Variants in MIPOL1 observed in about 807,000 individuals in gnomAD.
MIPOL1 encodes mirror-image polydactyly gene 1 protein.
MIPOL1 carries 57 observed loss-of-function variants against 60.9 expected under a neutral mutation model. That is an observed-to-expected ratio of 0.94 (90% CI 0.76 to 1.17). MIPOL1 has a LOEUF of 1.17. Ranked by LOEUF, MIPOL1 falls within the 50% of genes most tolerant of loss-of-function variation. The pLI, the probability that MIPOL1 is intolerant of heterozygous loss-of-function variation, is 0.00. For missense variants in MIPOL1, 551 were observed against 511.6 expected (o/e 1.08, Z -0.74); for synonymous variants, 179 against 168.8 (o/e 1.06, Z -0.47).
At chr14:37,259,424 A>C (rs181587974) in intron 3 of MIPOL1, among the ~76,000 whole-genome samples, 7 of 152,072 alleles carry the variant, frequency 4.6e-5, no homozygotes, top group African/African-American at 1.4e-4. Context: ...CAAATTAGCC[A>C]GGTGTGGTGG....
At chr14:37,314,052 G>C (rs1403752666) in intron 9 of MIPOL1, among the ~76,000 whole-genome samples, 1 of 151,986 alleles carries the variant, frequency 6.6e-6, no homozygotes, top group Non-Finnish European at 1.5e-5. Context: ...CTATTTTCTA[G>C]AAATGAGTCA....
chr14:37,203,970 G>A (rs922189008), intron 1 of MIPOL1, among the ~76,000 whole-genome samples: 1 of 151,932 alleles, frequency 6.6e-6, no homozygotes, highest in African/African-American at 2.4e-5. Flanking sequence ...TTTTAGTAGC[G>A]ACAGGGTTTC....
At chr14:37,249,569 T>C (rs1973754871) in intron 3 of MIPOL1, among the ~76,000 whole-genome samples, 1 of 152,194 alleles carries the variant, frequency 6.6e-6, no homozygotes, top group Non-Finnish European at 1.5e-5. Context: ...AGATAGCTGA[T>C]GTAATTCTAT....
chr14:37,424,847 G>T (rs2093934316), intron 11 of MIPOL1, among the ~76,000 whole-genome samples: 1 of 152,196 alleles, frequency 6.6e-6, no homozygotes, highest in South Asian at 2.1e-4. Flanking sequence ...AACTGTAGCT[G>T]CCATTAGAAT....
At chr14:37,517,116 G>C (rs139188500) in intron 12 of MIPOL1, among the ~76,000 whole-genome samples, 1 of 152,108 alleles carries the variant, frequency 6.6e-6, no homozygotes, top group Non-Finnish European at 1.5e-5. Context: ...GGTATGTACA[G>C]ATCATTAAAT....
chr14:37,318,682 T>A (rs550341311), intron 9 of MIPOL1, among the ~76,000 whole-genome samples: 1 of 152,300 alleles, frequency 6.6e-6, no homozygotes, highest in South Asian at 2.1e-4. Context: ...TAGAAAGTTA[T>A]ATGTAGATTG....
chr14:37,482,966 A>G (rs893978900), intron 11 of MIPOL1, among the ~76,000 whole-genome samples: 2 of 152,186 alleles, frequency 1.3e-5, no homozygotes, highest in Admixed American at 1.3e-4. Flanking sequence ...GTGTTTGCAC[A>G]TAACCTATGC....
chr14:37,541,981 G>A (rs1052287861), intron 12 of MIPOL1, among the ~76,000 whole-genome samples: 3 of 152,012 alleles, frequency 2.0e-5, no homozygotes, highest in African/African-American at 4.8e-5. Flanking sequence ...TCAGCCATAC[G>A]TCCCCTTGTA....
chr14:37,256,136 T>C (rs1193365419), intron 3 of MIPOL1, among the ~76,000 whole-genome samples: 1 of 151,872 alleles, frequency 6.6e-6, no homozygotes, highest in Non-Finnish European at 1.5e-5. Flanking sequence ...AGAAATATAA[T>C]CACATTCAAG....
At chr14:37,444,545 A>T (rs2094302309) in intron 11 of MIPOL1, among the ~76,000 whole-genome samples, 1 of 152,228 alleles carries the variant, frequency 6.6e-6, no homozygotes, top group South Asian at 2.1e-4. Context: ...TTATATAAAA[A>T]TGCAAATGAT....
chr14:37,459,232 T>C (rs1366183291), intron 11 of MIPOL1, among the ~76,000 whole-genome samples: 3 of 151,998 alleles, frequency 2.0e-5, no homozygotes, highest in Non-Finnish European at 4.4e-5. Context: ...AATGAAGAGT[T>C]GGTTATTTGA....
chr14:37,359,810 T>C (rs999842148), intron 9 of MIPOL1, among the ~76,000 whole-genome samples: 3 of 152,238 alleles, frequency 2.0e-5, no homozygotes, highest in Admixed American at 1.3e-4. Context: ...ATATCTTTTA[T>C]TTCTTTCTCT....
At chr14:37,545,537 GA>G in intron 12 of MIPOL1, 1 of 484,114 alleles carries the variant, frequency 2.1e-6, no homozygotes, top group Non-Finnish European at 3.7e-6. Context: ...TTGCATTTTA[GA>G]AAAGTTTGTA....
chr14:37,253,395 T>A (rs558670585), intron 3 of MIPOL1, among the ~76,000 whole-genome samples: 6 of 151,948 alleles, frequency 3.9e-5, no homozygotes, highest in African/African-American at 1.4e-4. Flanking sequence ...GAATGCTATA[T>A]GTAAAGTCCC....
At position 37,371,478 on chromosome 14, in the gene MIPOL1, A is replaced by AT. The variant is rs953986839; in HGVS notation, c.936+1863dup. Among the ~76,000 whole-genome samples the AT allele has an allele frequency of 1.9e-3, 293 of 150,560 alleles. 1 individual carries two copies. The highest frequency in any genetic ancestry group is 4.8e-3 in the African/African-American group (197 of 41,158). Reference sequence around the variant, plus strand: ...ATATTAAAATCTTTTCTAGTTGCTCATTTTTTTTTGCAAAAGTCTGAAATT... The same window carrying AT: ...ATATTAAAATCTTTTCTAGTTGCTCATTTTTTTTTTGCAAAAGTCTGAAATT... On this transcript the variant is annotated intron_variant, in intron 10 of 12. Coordinates refer to ENST00000684589, the MANE Select transcript of MIPOL1 (RefSeq NM_001388067.1).
At chr14:37,277,092 C>CA (rs2083719536) in intron 6 of MIPOL1, 1 of 151,082 alleles carries the variant, frequency 6.6e-6, no homozygotes, top group South Asian at 2.1e-4. Context: ...TAAGAATAGC[C>CA]AACAGCTGGA....
intron 1 of MIPOL1, among the ~76,000 whole-genome samples, chr14:37,225,287 T>C (rs934049234): frequency 1.3e-5 from 2 of 152,172 alleles, no homozygotes; most frequent in African/African-American, 4.8e-5. Flanking sequence ...GAACTTTGTG[T>C]GGGGGCTCTG....
chr14:37,330,521 G>C (rs1346777888), intron 9 of MIPOL1, among the ~76,000 whole-genome samples: 1 of 151,972 alleles, frequency 6.6e-6, no homozygotes, highest in East Asian at 1.9e-4. Context: ...ATAATTAACA[G>C]TTCACACATT....
chr14:37,351,358 G>T lies in MIPOL1; in HGVS notation c.829-18159G>T, dbSNP rs902340948. On this transcript the variant is annotated intron_variant, in intron 9 of 12. Coordinates refer to ENST00000684589, the MANE Select transcript of MIPOL1 (RefSeq NM_001388067.1). ...AGTCTTTGCTATTGTGAATAATGCC[G>T]CAATAAACATACGTGTGCATGTGTC... is the stretch of plus-strand genomic sequence containing the variant. 1.7e-3 allele frequency among the ~76,000 whole-genome samples: 247 copies of T among 145,102 alleles called. 1 individual carries two copies. Among genetic ancestry groups the T allele is most frequent in the African/African-American group, 5.9e-3 (232 of 39,430 alleles).
Sources: allele counts gnomAD v4.1 joint callset (sites outside exome capture counted in the v4.1 genomes callset), GRCh38; gene constraint gnomAD v4.1.1; transcripts MANE v1.5; gene names NCBI Gene and HGNC (gene_info 2026-07-23, HGNC 2026-07-21).